Variants in XPOT observed in about 807,000 individuals in gnomAD.
XPOT encodes the protein exportin for tRNA, also known as exportin-T.
Under a neutral mutation model 128.2 loss-of-function variants are expected in XPOT, and 34 were observed. The observed-to-expected ratio is 0.27, with a 90% CI of 0.20 to 0.35. The LOEUF (loss-of-function observed/expected upper bound fraction) is 0.35, where lower values mean the gene tolerates loss of function less well. XPOT is among the 10% of genes least tolerant of loss of function. The pLI is 1.00. For missense variants in XPOT, 838 were observed against 1,125.3 expected (o/e 0.74, Z 3.65); for synonymous variants, 348 against 394.3 (o/e 0.88, Z 1.39).
chr12:64,413,822 G>T (rs374701742), intron 2 of XPOT, among the ~76,000 whole-genome samples: 88 of 152,274 alleles, frequency 5.8e-4, no homozygotes, highest in African/African-American at 2.1e-3. Context: ...TAATATTCTT[G>T]CTAGGGTATA....
chr12:64,408,377 G>A (rs1398676961), intron 1 of XPOT, among the ~76,000 whole-genome samples: 1 of 152,024 alleles, frequency 6.6e-6, no homozygotes, highest in African/African-American at 2.4e-5. Context: ...CAAAGTGCTG[G>A]GATTACAGGC....
intron 12 of XPOT, 89 bp from the exon 13 acceptor site, chr12:64,424,946 TAAA>T: frequency 6.7e-7 from 1 of 1,493,552 alleles, no homozygotes; most frequent in Non-Finnish European, 9.1e-7. Flanking sequence ...TTTTAATAAT[TAAA>T]AAGGCTTTTG....
Position 64,430,204 on chromosome 12 carries a change from G to A in XPOT, c.1893G>A (p.Leu631=), listed in dbSNP as rs754933580. The change falls in exon 17 of 25, where the codon CTG becomes CTA. Residue 631 remains leucine, a synonymous_variant. Transcript: ENST00000332707. ...LTPLMEKFKI[L]LEKLMLAQDE... ...CACTAATGGAGAAGTTTAAAATTCT[G>A]TTAGAAAAGTTGATGCTGGCACAAG... 2 of 1,613,346 alleles carry A rather than the reference G, an allele frequency of 1.2e-6. No homozygotes were observed. The highest frequency in any genetic ancestry group is 1.7e-6 in the Non-Finnish European group (2 of 1,179,764).
At chr12:64,441,122 G>A (rs905031259) in intron 23 of XPOT, among the ~76,000 whole-genome samples, 2 of 152,064 alleles carry the variant, frequency 1.3e-5, no homozygotes, top group African/African-American at 4.8e-5. Flanking sequence ...TAAGATAAGG[G>A]TCTCGTTTTC....
chr12:64,415,570 A>G (rs1477472544), intron 3 of XPOT, among the ~76,000 whole-genome samples: 2 of 151,928 alleles, frequency 1.3e-5, no homozygotes, highest in Non-Finnish European at 2.9e-5. Flanking sequence ...TGGTGGAGAC[A>G]GGGTTTCACT....
At position 64,413,036 on chromosome 12, in the gene XPOT, C is replaced by G. The variant is rs558939801; in HGVS notation, c.61-1871C>G. Among the ~76,000 whole-genome samples, 3 of 152,268 alleles carry G rather than the reference C, an allele frequency of 2.0e-5. No homozygotes were observed. The East Asian group carries it at 5.8e-4, about 29-fold the overall frequency. On this transcript the variant is annotated intron_variant, in intron 2 of 24. Coordinates refer to ENST00000332707, the MANE Select transcript of XPOT (RefSeq NM_007235.6). ...TGGAAGTTCAAGAGTTTTTATAGAG[C>G]TGAATCTTGAGTCCCTTCTCCCCTT...
chr12:64,432,524 G>A (rs1344441456), intron 18 of XPOT, among the ~76,000 whole-genome samples: 2 of 152,138 alleles, frequency 1.3e-5, no homozygotes, highest in Non-Finnish European at 2.9e-5. Context: ...AGGATTACAG[G>A]CATAAACCTG....
chr12:64,426,044 A>G, intron 15 of XPOT, 135 bp downstream of exon 15: 1 of 757,614 alleles, frequency 1.3e-6, no homozygotes, highest in Non-Finnish European at 2.2e-6. Context: ...TAGGCCAGGT[A>G]TGGTGGCTCA....
chr12:64,425,261 C>T, intron 13 of XPOT, 77 bp from the exon 14 acceptor site: 3 of 1,608,890 alleles, frequency 1.9e-6, no homozygotes, highest in Non-Finnish European at 8.5e-7. Flanking sequence ...ATTGTTAGAG[C>T]TTAGTATATG....
intron 1 of XPOT, among the ~76,000 whole-genome samples, chr12:64,406,631 C>G (rs527662450): frequency 3.9e-5 from 6 of 152,260 alleles, no homozygotes; most frequent in Admixed American, 3.3e-4. Flanking sequence ...TCCCCTCGGC[C>G]TTCCTTAGTG....
At chr12:64,410,286 C>G (rs1451333369) in intron 2 of XPOT, among the ~76,000 whole-genome samples, 191 bp downstream of exon 2, 2 of 152,080 alleles carry the variant, frequency 1.3e-5, no homozygotes, top group African/African-American at 4.8e-5. Flanking sequence ...TTTACTTGGC[C>G]AAACAAAAGT....
chr12:64,430,740 C>G (rs2040231883), intron 17 of XPOT, among the ~76,000 whole-genome samples: 1 of 152,024 alleles, frequency 6.6e-6, no homozygotes, highest in Non-Finnish European at 1.5e-5. Context: ...GTAAAGATTG[C>G]TAATTTAGAA....
intron 20 of XPOT, 71 bp downstream of exon 20, chr12:64,434,694 T>C: frequency 6.5e-7 from 1 of 1,528,640 alleles, no homozygotes. Context: ...TAATGGAACA[T>C]AGCCCTAACA....
At chr12:64,420,044 T>G (rs1285413365) in intron 6 of XPOT, 26 bp from the exon 7 acceptor site, 1 of 1,535,608 alleles carries the variant, frequency 6.5e-7, no homozygotes, top group East Asian at 2.3e-5. Context: ...GGTAATCTAC[T>G]TTGCATTTGG....
chr12:64,424,665 C>A lies in XPOT; in HGVS notation c.1249C>A (p.Gln417Lys). Residue 417 changes from glutamine (Q) to lysine (K), a missense_variant, in exon 12 of 25, where the codon CAA (glutamine) becomes AAA (lysine). Transcript: ENST00000332707. Reference sequence around the variant, plus strand: ...GAAGTTACTGTTGGACAGGCTTGCTCAAGTTTCACCAGAGTTACTACTGGC... The same window carrying A: ...GAAGTTACTGTTGGACAGGCTTGCTAAAGTTTCACCAGAGTTACTACTGGC... ...QLKLLLDRLAQVSPELLLASV... is the reference protein window; with the variant it reads ...QLKLLLDRLAKVSPELLLASV... 1 of 1,612,880 alleles carries A rather than the reference C, an allele frequency of 6.2e-7. No homozygotes were observed. The highest frequency in any genetic ancestry group is 8.5e-7 in the Non-Finnish European group (1 of 1,179,976).
chr12:64,434,412 G>A, intron 19 of XPOT, 95 bp from the exon 20 acceptor site: 2 of 773,128 alleles, frequency 2.6e-6, no homozygotes, highest in South Asian at 4.0e-5. Context: ...ACCTGTAAAT[G>A]ATTTTTGACT....
intron 24 of XPOT, among the ~76,000 whole-genome samples, chr12:64,446,893 C>T (rs911712003): frequency 6.6e-6 from 1 of 152,132 alleles, no homozygotes; most frequent in African/African-American, 2.4e-5. Flanking sequence ...CAATACTGTT[C>T]TTGTCTGTAT....
intron 18 of XPOT, 92 bp from the exon 19 acceptor site, chr12:64,433,322 A>G (rs1038578795): frequency 1.6e-6 from 2 of 1,250,182 alleles, no homozygotes; most frequent in African/African-American, 3.1e-5. Context: ...TGCATCCTAA[A>G]TAGAAAAGAA....
At chr12:64,443,600 G>A (rs867266806) in intron 23 of XPOT, among the ~76,000 whole-genome samples, 5 of 152,102 alleles carry the variant, frequency 3.3e-5, no homozygotes, top group Middle Eastern at 3.4e-3. Flanking sequence ...GACTACAGGC[G>A]CATGCCACCA....
Sources: gnomAD v4.1 joint callset for allele counts (sites outside exome capture counted in the v4.1 genomes callset) on GRCh38, gnomAD v4.1.1 for gene constraint, MANE v1.5 for transcripts, NCBI Gene and HGNC (gene_info 2026-07-23, HGNC 2026-07-21) for gene names.